The following NCDN variants were observed in gnomAD, a reference collection of about 807,000 sequenced individuals.
NCDN encodes neurochondrin.
A neutral mutation model predicts 60.7 loss-of-function variants in NCDN; 9 were observed. That is an observed-to-expected ratio of 0.15 (90% CI 0.09 to 0.26). The LOEUF (loss-of-function observed/expected upper bound fraction) is 0.26, where lower values mean the gene tolerates loss of function less well. Ranked by LOEUF, NCDN falls within the 10% of genes least tolerant of loss-of-function variation. NCDN has a pLI of 1.00. For synonymous variants in NCDN, 409 were observed against 442.5 expected, an observed-to-expected ratio of 0.92 and a Z score of 0.95; for missense variants, 578 against 975.2, an observed-to-expected ratio of 0.59 and a Z score of 5.42.
intron 2 of NCDN, 34 bp downstream of exon 2, chr1:35,559,281 G>C (rs746382083): frequency 6.2e-7 from 1 of 1,613,284 alleles, no homozygotes; most frequent in Non-Finnish European, 8.5e-7. Flanking sequence ...GAGGTGGGAA[G>C]GGCTGGGTGG....
chr1:35,560,225 A>G lies in NCDN; in HGVS notation c.175-101A>G. 1 of 1,444,424 alleles carries G rather than the reference A, an allele frequency of 6.9e-7. No individual in the cohort carries two copies. Among genetic ancestry groups the G allele is most frequent in the Non-Finnish European group, 9.4e-7 (1 of 1,066,936 alleles). 89.5% of individuals were successfully genotyped at this position (1,444,424 alleles called of 1,614,324 possible). A position where few individuals can be genotyped will look rare whatever the true frequency, so the allele number is the denominator to read the frequency against. Reference sequence around the variant, plus strand: ...AATGACCTCAGATGAGTCCTGTTGCATAACCTCATCTTGCTAGTCCTCAGT... The same window carrying G: ...AATGACCTCAGATGAGTCCTGTTGCGTAACCTCATCTTGCTAGTCCTCAGT... On this transcript the variant is annotated intron_variant, in intron 2 of 6. Coordinates refer to ENST00000373243, the MANE Select transcript of NCDN (RefSeq NM_014284.3). This position sits in a 1 kb window ranked among gnomAD's most constrained non-coding sequence, Gnocchi z 7.6.
In NCDN at chr1:35,563,519, A is replaced by C. The variant is rs1648773321; in HGVS notation, c.1610+93A>C. ...TTCTCAGTCTCCTACTTTGCCCCCC[A>C]TGCCCATGGATTTGTTAGTGGTAGC... On this transcript the variant is annotated intron_variant, in intron 5 of 6. Transcript: ENST00000373243. The surrounding 1 kb of genome is among the most constrained non-coding windows in gnomAD (Gnocchi z 6.6). 7.2e-7 allele frequency: 1 copy of C among 1,384,384 alleles called. No homozygotes were observed. The highest frequency in any genetic ancestry group is 1.0e-6 in the Non-Finnish European group (1 of 1,002,166). The allele number at this position is 1,384,384 out of a possible 1,614,324, so 85.8% of individuals were successfully genotyped here.
In NCDN at chr1:35,566,659, AC is replaced by A; in HGVS notation, c.*997del. 2.4e-6 allele frequency: 1 copy of A among 409,696 alleles called. No homozygotes were observed. Among genetic ancestry groups the A allele is most frequent in the Non-Finnish European group, 4.9e-6 (1 of 203,198 alleles). The allele number at this position is 409,696 out of a possible 1,614,324, so 25.4% of individuals were successfully genotyped here. A position where few individuals can be genotyped will look rare whatever the true frequency, so the allele number is the denominator to read the frequency against. The stretch of plus-strand genomic sequence containing the variant: ...CACACACACACACACACACACACAC[AC>A]ACACACACACACACACACACTCTTG... On this transcript the variant is annotated 3_prime_UTR_variant, in exon 7 of 7. Transcript: ENST00000373243. This position sits in a 1 kb window ranked among gnomAD's most constrained non-coding sequence, Gnocchi z 5.3.
chr1:35,558,771 C>G lies in NCDN; in HGVS notation c.34-336C>G. The G allele has an allele frequency of 9.0e-7, 1 of 1,106,540 alleles. No homozygotes were observed. The highest frequency in any genetic ancestry group is 1.1e-6 in the Non-Finnish European group (1 of 876,432). The allele number at this position is 1,106,540 out of a possible 1,614,324, so 68.5% of individuals were successfully genotyped here. ...GGAGATAAAACCCAGCCTCCGGTGC[C>G]AGGGGGACAGCTGAGCAGTGGGGCC... On this transcript the variant is annotated intron_variant, in intron 1 of 6. Coordinates refer to ENST00000373243, the MANE Select transcript of NCDN (RefSeq NM_014284.3). The surrounding 1 kb of genome is among the most constrained non-coding windows in gnomAD (Gnocchi z 6.3).
intron 2 of NCDN, 52 bp downstream of exon 2, chr1:35,559,299 C>T: frequency 1.2e-6 from 2 of 1,611,104 alleles, no homozygotes; most frequent in Middle Eastern, 1.7e-4. Context: ...TGGTTGGGCC[C>T]CCAAGGAATG....
rs773924666 is a variant in NCDN at position 35,561,195 on chromosome 1, C to T, written c.1044C>T (p.Cys348=). ...YALMELGIQE[C]TRCEQSLLKE... Reference sequence around the variant, plus strand: ...TCATGGAGTTGGGGATCCAGGAATGCACTCGCTGTGAGCAGTCACTGCTTA... The same window carrying T: ...TCATGGAGTTGGGGATCCAGGAATGTACTCGCTGTGAGCAGTCACTGCTTA... The change falls in exon 3 of 7, where the codon TGC becomes TGT. Residue 348 remains cysteine, a synonymous_variant. Coordinates refer to ENST00000373243, the MANE Select transcript of NCDN (RefSeq NM_014284.3). This position sits in a 1 kb window ranked among gnomAD's most constrained non-coding sequence, Gnocchi z 4.9. The T allele has an allele frequency of 6.8e-6, 11 of 1,607,862 alleles. No homozygotes were observed. Among genetic ancestry groups the T allele is most frequent in the Non-Finnish European group, 1.7e-6 (2 of 1,177,554 alleles).
In NCDN at chr1:35,565,892, C is replaced by T. The variant is rs538307425; in HGVS notation, c.*229C>T. 428 of 552,152 alleles carry T rather than the reference C, an allele frequency of 7.8e-4. 5 individuals are homozygous for T. The highest frequency in any genetic ancestry group is 4.2e-3 in the South Asian group (183 of 44,046). The allele number at this position is 552,152 out of a possible 1,614,324, so 34.2% of individuals were successfully genotyped here. A position where few individuals can be genotyped will look rare whatever the true frequency, so the allele number is the denominator to read the frequency against. On this transcript the variant is annotated 3_prime_UTR_variant, in exon 7 of 7. Coordinates refer to ENST00000373243, the MANE Select transcript of NCDN (RefSeq NM_014284.3). The surrounding 1 kb of genome is among the most constrained non-coding windows in gnomAD (Gnocchi z 8.9). The stretch of plus-strand genomic sequence containing the variant: ...GGGCAGGGATCGGCTTGGAAATCAA[C>T]GTGGTTGTCCCCGCCAGGCCGGGGA...
In NCDN at chr1:35,563,447, G is replaced by C. The variant is rs1214676552; in HGVS notation, c.1610+21G>C. On this transcript the variant is annotated intron_variant, in intron 5 of 6. Transcript: ENST00000373243. The surrounding 1 kb of genome is among the most constrained non-coding windows in gnomAD (Gnocchi z 6.6). ...ATCAAGTGAGGGGCTCGGGAGAGGT[G>C]GGGGAGGAGGCCGGAGGAGGCAAAG... 4 of 1,605,752 alleles carry C rather than the reference G, an allele frequency of 2.5e-6. No individual in the cohort carries two copies. Among genetic ancestry groups the C allele is most frequent in the South Asian group, 1.1e-5 (1 of 90,952 alleles).
chr1:35,559,291 G>A (rs1266335378), intron 2 of NCDN, 44 bp downstream of exon 2: 2 of 1,612,582 alleles, frequency 1.2e-6, no homozygotes, highest in African/African-American at 2.7e-5. Flanking sequence ...GGGCTGGGTG[G>A]TTGGGCCCCC....
In NCDN at chr1:35,565,847, C is replaced by T. The variant is rs952043046; in HGVS notation, c.*184C>T. On this transcript the variant is annotated 3_prime_UTR_variant, in exon 7 of 7. Transcript: ENST00000373243. The surrounding 1 kb of genome is among the most constrained non-coding windows in gnomAD (Gnocchi z 8.9). ...CCCTCAAGTGTAAGGAACTGCGTTC[C>T]GCCCCTCAGGCCCCCATGGGGGCAG... is the stretch of plus-strand genomic sequence containing the variant. 1.7e-5 allele frequency: 11 copies of T among 662,478 alleles called. 1 individual carries two copies. Among genetic ancestry groups the T allele is most frequent in the African/African-American group, 9.1e-5 (5 of 54,690 alleles). The allele number at this position is 662,478 out of a possible 1,614,324, so 41.0% of individuals were successfully genotyped here. A position where few individuals can be genotyped will look rare whatever the true frequency, so the allele number is the denominator to read the frequency against.
chr1:35,564,413 C>G (rs946839414), intron 6 of NCDN, among the ~76,000 whole-genome samples: 1 of 152,204 alleles, frequency 6.6e-6, no homozygotes, highest in Admixed American at 6.5e-5. Flanking sequence ...CCCCTGGCAG[C>G]CCTCCGTGTC....
chr1:35,564,012 C>G (rs1272030830), intron 6 of NCDN, 103 bp downstream of exon 6: 1 of 1,371,632 alleles, frequency 7.3e-7, no homozygotes, highest in Non-Finnish European at 9.7e-7. Flanking sequence ...GGTTTTGCAG[C>G]ATTTTCTAAG....
rs2148533924 is a variant in NCDN, at chr1:35,557,941, G to A, written c.-250G>A. 1.6e-6 allele frequency: 1 copy of A among 636,824 alleles called. No individual in the cohort carries two copies. The highest frequency in any genetic ancestry group is 2.7e-6 in the Non-Finnish European group (1 of 364,342). 39.4% of individuals were successfully genotyped at this position (636,824 alleles called of 1,614,324 possible). ...ATCCCAGCCGGGGCCTCTCCGAGCC[G>A]GCGCTGATCGATGCCGACACACCCC... is the stretch of plus-strand genomic sequence containing the variant. On this transcript the variant is annotated 5_prime_UTR_variant, in exon 1 of 7. Transcript: ENST00000373243.
At position 35,558,926 on chromosome 1, in the gene NCDN, C is replaced by T. The variant is rs1317613076; in HGVS notation, c.34-181C>T. On this transcript the variant is annotated intron_variant, in intron 1 of 6. Transcript: ENST00000373243. This position sits in a 1 kb window ranked among gnomAD's most constrained non-coding sequence, Gnocchi z 6.3. ...TCCCTTCTTTATCCCTAAGGATTTG[C>T]AGATCCAGCCCCTTAAAGGGGCTTC... is the stretch of plus-strand genomic sequence containing the variant. 6.6e-6 allele frequency among the ~76,000 whole-genome samples: 1 copy of T among 152,082 alleles called. No individual in the cohort carries two copies. Among genetic ancestry groups the T allele is most frequent in the Non-Finnish European group, 1.5e-5 (1 of 67,996 alleles).
chr1:35,559,293 TG>T (rs1464448438), intron 2 of NCDN, 46 bp downstream of exon 2: 1 of 1,612,270 alleles, frequency 6.2e-7, no homozygotes, highest in East Asian at 2.2e-5. Flanking sequence ...GCTGGGTGGT[TG>T]GGCCCCCAAG....
Position 35,562,587 on chromosome 1 carries a change from A to G in NCDN, c.1339A>G (p.Ile447Val). 6.2e-7 allele frequency: 1 copy of G among 1,613,908 alleles called. No individual in the cohort carries two copies. Among genetic ancestry groups the G allele is most frequent in the Non-Finnish European group, 8.5e-7 (1 of 1,179,928 alleles). The part of the protein sequence containing the change: ...DLSQQVANLA[I>V]SPTTPGPTWP... ...TTCCCAGCAGGTGGCCAACCTGGCCATCTCCCCCACCACCCCAGGGCCCAC... is the reference window on the plus strand; with the variant it reads ...TTCCCAGCAGGTGGCCAACCTGGCCGTCTCCCCCACCACCCCAGGGCCCAC... Residue 447 changes from isoleucine to valine, a missense_variant, in exon 4 of 7, where the codon ATC becomes GTC. Coordinates refer to ENST00000373243, the MANE Select transcript of NCDN (RefSeq NM_014284.3). The surrounding 1 kb of genome is among the most constrained non-coding windows in gnomAD (Gnocchi z 6.8).
Position 35,562,140 on chromosome 1 carries a change from A to G in NCDN, c.1144-252A>G, listed in dbSNP as rs544385918. Among the ~76,000 whole-genome samples, 4 of 152,172 alleles carry G rather than the reference A, an allele frequency of 2.6e-5. No homozygotes were observed. The East Asian group carries it at 7.7e-4, about 29-fold the overall frequency. ...AGCGAGTACGGGGGCATGTCACTCAATTCACTCAGGCCCAGTTCACTCAGC... is the reference window on the plus strand; with the variant it reads ...AGCGAGTACGGGGGCATGTCACTCAGTTCACTCAGGCCCAGTTCACTCAGC... On this transcript the variant is annotated intron_variant, in intron 3 of 6. Coordinates refer to ENST00000373243, the MANE Select transcript of NCDN (RefSeq NM_014284.3). This position sits in a 1 kb window ranked among gnomAD's most constrained non-coding sequence, Gnocchi z 6.8.
intron 6 of NCDN, among the ~76,000 whole-genome samples, chr1:35,564,455 C>T (rs891098603): frequency 3.3e-5 from 5 of 152,194 alleles, no homozygotes; most frequent in Non-Finnish European, 5.9e-5. Flanking sequence ...CTGCTTGGGT[C>T]CCTCTGTCCC....
chr1:35,560,667 C>T lies in NCDN; in HGVS notation c.516C>T (p.Leu172=). ...GCACACCCAGAGGGCCTCGGCACCT[C>T]ATTGCTGGTGGCACCGTGTCTGCCC... ...VAGTPRGPRH[L]IAGGTVSALC... The change falls in exon 3 of 7, where the codon CTC becomes CTT. Residue 172 remains leucine, a synonymous_variant. Coordinates refer to ENST00000373243, the MANE Select transcript of NCDN (RefSeq NM_014284.3). This position sits in a 1 kb window ranked among gnomAD's most constrained non-coding sequence, Gnocchi z 7.6. 3 of 1,613,364 alleles carry T rather than the reference C, an allele frequency of 1.9e-6. No individual in the cohort carries two copies. The highest frequency in any genetic ancestry group is 2.5e-6 in the Non-Finnish European group (3 of 1,180,052).
Sources: allele counts gnomAD v4.1 joint callset (sites outside exome capture counted in the v4.1 genomes callset), GRCh38; gene constraint gnomAD v4.1.1; non-coding constraint Gnocchi (gnomAD v3.1); transcripts MANE v1.5; gene names NCBI Gene and HGNC (gene_info 2026-07-23, HGNC 2026-07-21).